CIRSR: variants seen among roughly 807,000 people sequenced by gnomAD.
CIRSR encodes corepressor of RBPJ and splicing regulator.
the CIRSR span, among the ~76,000 whole-genome samples, chr2:174,355,188 T>A: frequency 2.0e-5 from 3 of 152,114 alleles, no homozygotes; most frequent in African/African-American, 7.2e-5. Context: ...AACTCAAAAT[T>A]TGGTTGATAA....
chr2:174,351,764 T>C, the CIRSR span: 2 of 1,541,664 alleles, frequency 1.3e-6, no homozygotes, highest in Admixed American at 3.5e-5. Flanking sequence ...ATCATTTATA[T>C]CTCTCTACCT....
the CIRSR span, among the ~76,000 whole-genome samples, chr2:174,354,545 AT>A: frequency 3.6e-4 from 15 of 42,166 alleles, no homozygotes; most frequent in Non-Finnish European, 5.9e-4. Context: ...TATAATATAT[AT>A]TATATTATAT....
chr2:174,357,679 T>C, the CIRSR span, among the ~76,000 whole-genome samples: 1 of 152,280 alleles, frequency 6.6e-6, no homozygotes, highest in East Asian at 1.9e-4. Context: ...AGGAGGGAGA[T>C]ATGTGTCTAA....
the CIRSR span, among the ~76,000 whole-genome samples, chr2:174,369,620 T>C: frequency 1.3e-5 from 2 of 152,244 alleles, no homozygotes; most frequent in African/African-American, 2.4e-5. Flanking sequence ...TGTGTGATTC[T>C]TCCTTTCATT....
chr2:174,362,493 C>A, the CIRSR span, among the ~76,000 whole-genome samples: 5 of 151,284 alleles, frequency 3.3e-5, no homozygotes, highest in African/African-American at 7.3e-5. Flanking sequence ...ATTCTCATAA[C>A]AAGAAAAAAG....
At chr2:174,352,945 A>T in the CIRSR span, among the ~76,000 whole-genome samples, 1 of 152,190 alleles carries the variant, frequency 6.6e-6, no homozygotes, top group Non-Finnish European at 1.5e-5. Context: ...GTCTTTTACC[A>T]CTTATTTGCG....
At chr2:174,376,192 C>T in the CIRSR span, among the ~76,000 whole-genome samples, 4 of 152,190 alleles carry the variant, frequency 2.6e-5, no homozygotes, top group Non-Finnish European at 5.9e-5. Flanking sequence ...TAGGGGTATC[C>T]GCCTCATGCA....
At chr2:174,390,873 TC>T in the CIRSR span, among the ~76,000 whole-genome samples, 1 of 152,130 alleles carries the variant, frequency 6.6e-6, no homozygotes, top group Admixed American at 6.6e-5. Context: ...CGTGTTTGCT[TC>T]CCCTTCTGCC....
At chr2:174,368,757 T>C in the CIRSR span, among the ~76,000 whole-genome samples, 1 of 152,210 alleles carries the variant, frequency 6.6e-6, no homozygotes, top group Non-Finnish European at 1.5e-5. Context: ...CTTGGGTCAC[T>C]AGGTGCATTG....
At chr2:174,377,108 G>A in the CIRSR span, among the ~76,000 whole-genome samples, 1 of 152,118 alleles carries the variant, frequency 6.6e-6, no homozygotes, top group Non-Finnish European at 1.5e-5. Context: ...ACTTCTGCCT[G>A]TCCCAAGTCA....
chr2:174,366,583 A>G, the CIRSR span, among the ~76,000 whole-genome samples: 1 of 152,284 alleles, frequency 6.6e-6, no homozygotes, highest in East Asian at 1.9e-4. Flanking sequence ...GATATAAGCC[A>G]GAAACTCAGA....
At chr2:174,350,950 A>G in the CIRSR span, among the ~76,000 whole-genome samples, 1 of 152,212 alleles carries the variant, frequency 6.6e-6, no homozygotes, top group African/African-American at 2.4e-5. Context: ...AGAGGTTAAC[A>G]TGACTGCTTT....
At chr2:174,358,559 T>C in the CIRSR span, 169 of 152,258 alleles carry the variant, frequency 1.1e-3, no homozygotes, top group Non-Finnish European at 2.0e-3. Flanking sequence ...TAAAGATATA[T>C]GACTTATATG....
the CIRSR span, among the ~76,000 whole-genome samples, chr2:174,366,520 T>C: frequency 6.6e-6 from 1 of 152,204 alleles, no homozygotes; most frequent in Non-Finnish European, 1.5e-5. Context: ...TTTTTGCCAG[T>C]AGACTTGTCT....
At chr2:174,359,484 T>C in the CIRSR span, among the ~76,000 whole-genome samples, 1 of 152,278 alleles carries the variant, frequency 6.6e-6, no homozygotes, top group Non-Finnish European at 1.5e-5. Context: ...ATCCCAAGTA[T>C]ATAACTTAGA....
At chr2:174,388,663 C>T in the CIRSR span, among the ~76,000 whole-genome samples, 2 of 152,046 alleles carry the variant, frequency 1.3e-5, no homozygotes, top group Non-Finnish European at 2.9e-5. Context: ...CCACATTCTT[C>T]TTATATAAAT....
At chr2:174,389,137 G>A in the CIRSR span, among the ~76,000 whole-genome samples, 997 of 152,284 alleles carry the variant, frequency 6.5e-3, 8 homozygotes, top group African/African-American at 0.022. Flanking sequence ...AAGGATACCC[G>A]AAAATGTGGA....
At chr2:174,384,284 T>C in the CIRSR span, among the ~76,000 whole-genome samples, 39 of 152,192 alleles carry the variant, frequency 2.6e-4, no homozygotes, top group Non-Finnish European at 5.6e-4. Context: ...GGAACAAATA[T>C]ATGATTCAAT....
At chr2:174,348,504 C>T in the CIRSR span, 1 of 1,602,752 alleles carries the variant, frequency 6.2e-7, no homozygotes, top group South Asian at 1.1e-5. Flanking sequence ...GCTTCATTCT[C>T]TTTGTGTCAC....
Sources: gnomAD v4.1 joint callset for allele counts (sites outside exome capture counted in the v4.1 genomes callset) on GRCh38, gnomAD v4.1.1 for gene constraint, MANE v1.5 for transcripts, NCBI Gene and HGNC (gene_info 2026-07-23, HGNC 2026-07-21) for gene names.